Variants in PRKN observed in about 807,000 individuals in gnomAD.
PRKN encodes parkin RBR E3 ubiquitin protein ligase.
Under a neutral mutation model 59.5 loss-of-function variants are expected in PRKN, and 56 were observed. That is an observed-to-expected ratio of 0.94 (90% confidence interval 0.76 to 1.18). The LOEUF (loss-of-function observed/expected upper bound fraction) is 1.18, where lower values mean the gene tolerates loss of function less well. Ranked by LOEUF, PRKN falls within the 50% of genes most tolerant of loss-of-function variation. The probability of loss-of-function intolerance (pLI) is 0.00; values close to 1 mark genes in which losing one functional copy is unlikely to be tolerated. For missense variants in PRKN, 657 were observed against 596.4 expected, an observed-to-expected ratio of 1.10 and a Z score of -1.06; for synonymous variants, 250 against 222.1, an observed-to-expected ratio of 1.13 and a Z score of -1.12.
At chr6:162,176,943 T>TTG (rs33926814) in intron 4 of PRKN, among the ~76,000 whole-genome samples, 13 of 150,650 alleles carry the variant, frequency 8.6e-5, no homozygotes, top group Non-Finnish European at 8.9e-5. Flanking sequence ...TTTTTTTTTT[T>TTG]GGGAAAAGGA....
chr6:162,210,244 T>C (rs1785149734), intron 3 of PRKN, among the ~76,000 whole-genome samples: 1 of 152,162 alleles, frequency 6.6e-6, no homozygotes, highest in Non-Finnish European at 1.5e-5. Flanking sequence ...TCTGCAATTA[T>C]ATGTCTACTA....
At chr6:162,314,117 TACACA>T (rs1367868929) in intron 2 of PRKN, among the ~76,000 whole-genome samples, 3 of 152,136 alleles carry the variant, frequency 2.0e-5, no homozygotes, top group Admixed American at 1.3e-4. Flanking sequence ...GTGTGTCTAC[TACACA>T]ACACAGAGTT....
chr6:161,479,271 A>G (rs1776217117), intron 9 of PRKN, among the ~76,000 whole-genome samples: 1 of 152,200 alleles, frequency 6.6e-6, no homozygotes, highest in African/African-American at 2.4e-5. Context: ...TTCATAAAAC[A>G]CTATCTACGC....
Position 161,561,499 on chromosome 6 carries a change from T to C in PRKN, c.933+7856A>G, listed in dbSNP as rs934561852. Among the ~76,000 whole-genome samples, 4 of 152,094 alleles carry C rather than the reference T, an allele frequency of 2.6e-5. No homozygotes were observed. The highest frequency in any genetic ancestry group is 5.9e-5 in the Non-Finnish European group (4 of 68,022). On this transcript the variant is annotated intron_variant, in intron 8 of 11. Coordinates refer to ENST00000366898, the MANE Select transcript of PRKN (RefSeq NM_004562.3). The surrounding 1 kb of genome is among the most constrained non-coding windows in gnomAD (Gnocchi z 5.0). ...ATGTGGAAGACGCAGCAGTGAAAAATGACATCTTCCTTCGTGGAGCCATCA... is the reference window on the plus strand; with the variant it reads ...ATGTGGAAGACGCAGCAGTGAAAAACGACATCTTCCTTCGTGGAGCCATCA...
intron 4 of PRKN, among the ~76,000 whole-genome samples, chr6:162,174,226 A>C (rs568836581): frequency 6.6e-6 from 1 of 152,338 alleles, no homozygotes; most frequent in African/African-American, 2.4e-5. Context: ...TTTTCTTCTA[A>C]GAAATACTTA....
At chr6:161,750,142 C>CATAT (rs1554300410) in intron 7 of PRKN, among the ~76,000 whole-genome samples, 2,327 of 136,976 alleles carry the variant, frequency 0.017, 70 homozygotes, top group African/African-American at 0.059. Flanking sequence ...CACACACACA[C>CATAT]ATATATAAAT....
chr6:162,632,335 A>G (rs991843490), intron 1 of PRKN, among the ~76,000 whole-genome samples: 2 of 152,234 alleles, frequency 1.3e-5, no homozygotes, highest in African/African-American at 4.8e-5. Context: ...CATAAGAAAG[A>G]ATGAAATCAT....
At chr6:162,556,151 T>A (rs921287068) in intron 1 of PRKN, among the ~76,000 whole-genome samples, 2 of 152,096 alleles carry the variant, frequency 1.3e-5, no homozygotes, top group Admixed American at 1.3e-4. Context: ...CCTAAGTTTG[T>A]CACTATTTGT....
At chr6:162,442,296 C>A (rs1362758092) in intron 2 of PRKN, among the ~76,000 whole-genome samples, 1 of 152,174 alleles carries the variant, frequency 6.6e-6, no homozygotes, top group Non-Finnish European at 1.5e-5. Flanking sequence ...AGCCCCCCTG[C>A]GCGGAGCAGT....
At chr6:161,646,913 C>T (rs1441974101) in intron 7 of PRKN, among the ~76,000 whole-genome samples, 2 of 152,072 alleles carry the variant, frequency 1.3e-5, no homozygotes, top group Admixed American at 6.6e-5. Flanking sequence ...TAAATTTGGC[C>T]CCTGTAGGAA....
At chr6:162,727,572 CG>C (rs2128243039) in intron 1 of PRKN, 89 bp downstream of exon 1, 3 of 1,370,580 alleles carry the variant, frequency 2.2e-6, no homozygotes, top group East Asian at 2.5e-5. Context: ...CAGTTGGCAC[CG>C]GGGGTCCTGG....
intron 9 of PRKN, among the ~76,000 whole-genome samples, chr6:161,482,046 C>T (rs1791427877): frequency 6.6e-6 from 1 of 152,040 alleles, no homozygotes; most frequent in South Asian, 2.1e-4. Flanking sequence ...CATACTGTAT[C>T]AATGATGAAT....
intron 1 of PRKN, among the ~76,000 whole-genome samples, chr6:162,645,314 A>C (rs181615222): frequency 5.6e-4 from 86 of 152,308 alleles, no homozygotes; most frequent in African/African-American, 1.9e-3. Context: ...AAGACAGGGT[A>C]CCCAAACTAA....
intron 3 of PRKN, among the ~76,000 whole-genome samples, chr6:162,201,917 A>G (rs1308094285): frequency 6.6e-6 from 1 of 152,148 alleles, no homozygotes; most frequent in Non-Finnish European, 1.5e-5. Flanking sequence ...ACAAACAACT[A>G]ATTCAATAGT....
At chr6:162,337,948 A>G (rs1783924155) in intron 2 of PRKN, among the ~76,000 whole-genome samples, 3 of 152,140 alleles carry the variant, frequency 2.0e-5, no homozygotes, top group Admixed American at 1.3e-4. Context: ...ATAATACACA[A>G]TATTTCATTA....
chr6:162,176,643 G>A (rs1583155042), intron 4 of PRKN, among the ~76,000 whole-genome samples: 1 of 152,058 alleles, frequency 6.6e-6, no homozygotes, highest in East Asian at 1.9e-4. Context: ...CTAGAGGCTC[G>A]GAGACCTTGA....
chr6:162,111,924 T>C (rs1046138577), intron 4 of PRKN, among the ~76,000 whole-genome samples: 9 of 152,204 alleles, frequency 5.9e-5, no homozygotes, highest in Non-Finnish European at 1.3e-4. Flanking sequence ...CCAAAGTCTC[T>C]GAAAGCAGAA....
chr6:162,377,104 G>T (rs937411654), intron 2 of PRKN, among the ~76,000 whole-genome samples: 1 of 152,126 alleles, frequency 6.6e-6, no homozygotes, highest in African/African-American at 2.4e-5. Flanking sequence ...GAGGATGGTG[G>T]AGGGTGATGC....
intron 3 of PRKN, among the ~76,000 whole-genome samples, chr6:162,220,744 G>A (rs1777890338): frequency 6.6e-6 from 1 of 152,220 alleles, no homozygotes; most frequent in African/African-American, 2.4e-5. Context: ...CGCAGCCAAG[G>A]GGAGGGGCAG....
Sources: allele counts gnomAD v4.1 joint callset (sites outside exome capture counted in the v4.1 genomes callset), GRCh38; gene constraint gnomAD v4.1.1; non-coding constraint Gnocchi (gnomAD v3.1); transcripts MANE v1.5; gene names NCBI Gene and HGNC (gene_info 2026-07-23, HGNC 2026-07-21).